Variants in XCR1 observed in about 807,000 individuals in gnomAD.
XCR1 encodes the protein chemokine XC receptor 1.
For missense variants in XCR1, 356 were observed against 424.2 expected (o/e 0.84, Z 1.41); for synonymous variants, 187 against 188.5 (o/e 0.99, Z 0.06).
intron 1 of XCR1, among the ~76,000 whole-genome samples, chr3:46,085,538 A>T (rs976746964): frequency 1.3e-5 from 2 of 152,014 alleles, no homozygotes; most frequent in Non-Finnish European, 2.9e-5. Context: ...TTCACAGCAA[A>T]TTTCTTGAAA....
At chr3:46,026,326 C>G (rs865879986) in intron 1 of XCR1, among the ~76,000 whole-genome samples, 18 of 152,188 alleles carry the variant, frequency 1.2e-4, no homozygotes, top group Middle Eastern at 3.4e-3. Context: ...TGAACTGGCT[C>G]CCTTTTGCTG....
At chr3:46,029,613 T>C (rs1708362541), upstream of XCR1, among the ~76,000 whole-genome samples, 2 of 152,172 alleles carry the variant, frequency 1.3e-5, no homozygotes, top group Non-Finnish European at 2.9e-5. Flanking sequence ...TCACATCATA[T>C]ACAAAAATTA....
chr3:46,062,123 T>C (rs1390439860), intron 4 of XCR1, among the ~76,000 whole-genome samples: 2 of 152,090 alleles, frequency 1.3e-5, no homozygotes, highest in Admixed American at 6.5e-5. Context: ...TCTGGGACTT[T>C]GGGGCTTTTT....
chr3:46,044,422 T>C lies in XCR1; in HGVS notation c.-32+9498A>G, dbSNP rs1697588506. ...GTCCTTTGCCCACTTTTAATTAGGT[T>C]GTCAGTTTTATTATTGTTGAGTTGT... On this transcript the variant is annotated intron_variant, in intron 5 of 5. Transcript: ENST00000683768. Among the ~76,000 whole-genome samples, 7 of 152,360 alleles carry C rather than the reference T, an allele frequency of 4.6e-5. No individual in the cohort carries two copies. The South Asian group carries it at 1.4e-3, about 32-fold the overall frequency.
At chr3:46,076,273 A>C (rs1479021771) in intron 2 of XCR1, among the ~76,000 whole-genome samples, 1 of 152,104 alleles carries the variant, frequency 6.6e-6, no homozygotes, top group Non-Finnish European at 1.5e-5. Flanking sequence ...TACCACCCAC[A>C]CTCAGCACTT....
In XCR1 at chr3:46,075,050, G is replaced by T. The variant is rs141341518; in HGVS notation, c.-327-335C>A. Among the ~76,000 whole-genome samples the T allele has an allele frequency of 2.1e-3, 316 of 152,026 alleles. 2 individuals carry two copies. The highest frequency in any genetic ancestry group is 1.9e-3 in the Non-Finnish European group (126 of 67,966). On this transcript the variant is annotated intron_variant, in intron 2 of 5. Coordinates refer to the XCR1 transcript ENST00000683768. ...CTGGAAACTATTTCAAATATTTAAAGAATAATTAGCACTTTGAAAAGGAAT... is the reference window on the plus strand; with the variant it reads ...CTGGAAACTATTTCAAATATTTAAATAATAATTAGCACTTTGAAAAGGAAT...
At position 46,020,938 on chromosome 3, in the gene XCR1, C is replaced by A. The variant is rs201819667; in HGVS notation, c.*8G>T. ...ACCTGCACCTGCGCCTGCACCGCCA[C>A]AGGCCCCTCAGTAGAAGGAGGCGCC... is the stretch of plus-strand genomic sequence containing the variant. On this transcript the variant is annotated 3_prime_UTR_variant, in exon 2 of 2. Coordinates refer to ENST00000309285, the MANE Select transcript of XCR1 (RefSeq NM_001024644.2). The A allele has an allele frequency of 5.0e-6, 8 of 1,609,480 alleles. No individual in the cohort carries two copies. Among genetic ancestry groups the A allele is most frequent in the Non-Finnish European group, 6.8e-6 (8 of 1,177,698 alleles).
chr3:46,019,440 C>T lies in XCR1; in HGVS notation c.*1506G>A, dbSNP rs1252880892. ...ACATTGCATGTGTGTAACTACAACA[C>T]AAGGTTGTTTTATTTTAGAGGGGAC... is the stretch of plus-strand genomic sequence containing the variant. On this transcript the variant is annotated 3_prime_UTR_variant, in exon 2 of 2. Coordinates refer to ENST00000309285, the MANE Select transcript of XCR1 (RefSeq NM_001024644.2). 2.6e-5 allele frequency: 4 copies of T among 152,184 alleles called. No individual in the cohort carries two copies. The allele number at this position is 152,184 out of a possible 1,614,324, so 9.4% of individuals were successfully genotyped here. A position where few individuals can be genotyped will look rare whatever the true frequency, so the allele number is the denominator to read the frequency against.
chr3:46,024,249 G>A lies in XCR1; in HGVS notation c.-31-2271C>T, dbSNP rs554057102. On this transcript the variant is annotated intron_variant, in intron 1 of 1. Coordinates refer to ENST00000309285, the MANE Select transcript of XCR1 (RefSeq NM_001024644.2). ...AAAAAAAATGAAAAGGGAAAACCACGTAGAAGGGGCATCCTGGTCCCGGAA... is the reference window on the plus strand; with the variant it reads ...AAAAAAAATGAAAAGGGAAAACCACATAGAAGGGGCATCCTGGTCCCGGAA... The A allele has an allele frequency of 5.2e-5, 17 of 324,154 alleles. No homozygotes were observed. The East Asian group carries it at 7.2e-4, about 14-fold the overall frequency. 20.1% of individuals were successfully genotyped at this position (324,154 alleles called of 1,614,324 possible).
chr3:46,073,178 AC>A (rs2125903149), intron 3 of XCR1, among the ~76,000 whole-genome samples: 1 of 152,310 alleles, frequency 6.6e-6, no homozygotes, highest in South Asian at 2.1e-4. Flanking sequence ...CTAGAAGAAA[AC>A]CTAGGAAAAA....
In XCR1 at chr3:46,018,648, A is replaced by G. The variant is rs1708085746; in HGVS notation, c.*2298T>C. On this transcript the variant is annotated 3_prime_UTR_variant, in exon 2 of 2. Coordinates refer to ENST00000309285, the MANE Select transcript of XCR1 (RefSeq NM_001024644.2). ...CTGTCCAGCAGGTGCTACTGGCCTC[A>G]TTATTAAAACTAGGCCCTGGCTCTT... is the stretch of plus-strand genomic sequence containing the variant. 1.3e-5 allele frequency: 2 copies of G among 152,218 alleles called. No individual in the cohort carries two copies. Among genetic ancestry groups the G allele is most frequent in the South Asian group, 4.2e-4 (2 of 4,812 alleles). The allele number at this position is 152,218 out of a possible 1,614,324, so 9.4% of individuals were successfully genotyped here. A position where few individuals can be genotyped will look rare whatever the true frequency, so the allele number is the denominator to read the frequency against.
intron 5 of XCR1, among the ~76,000 whole-genome samples, chr3:46,044,471 G>A (rs1697589854): frequency 6.6e-6 from 1 of 151,780 alleles, no homozygotes; most frequent in Non-Finnish European, 1.5e-5. Flanking sequence ...ATATACTCTG[G>A]TATTATGTGT....
intron 5 of XCR1, among the ~76,000 whole-genome samples, chr3:46,038,925 T>C (rs1254628880): frequency 6.6e-6 from 1 of 152,090 alleles, no homozygotes; most frequent in Non-Finnish European, 1.5e-5. Flanking sequence ...TTATATTGAT[T>C]GGAATTTTTT....
upstream of XCR1, among the ~76,000 whole-genome samples, chr3:46,028,144 T>C (rs1708333434): frequency 6.6e-6 from 1 of 152,186 alleles, no homozygotes; most frequent in Non-Finnish European, 1.5e-5. Context: ...TGTGGCTTAA[T>C]AAATCCAACT....
At chr3:46,048,447 G>C (rs1439842836) in intron 5 of XCR1, among the ~76,000 whole-genome samples, 5 of 152,080 alleles carry the variant, frequency 3.3e-5, no homozygotes, top group Admixed American at 6.6e-5. Context: ...CCCAGGTTAC[G>C]GGGGTTGATG....
Position 46,041,641 on chromosome 3 carries a change from T to C in XCR1, c.-32+12279A>G, listed in dbSNP as rs1049536050. Reference sequence around the variant, plus strand: ...GACTGAAGCCGACCCAGTGATCGCATAGACAGTTGTTTTTGGATAAACATA... The same window carrying C: ...GACTGAAGCCGACCCAGTGATCGCACAGACAGTTGTTTTTGGATAAACATA... On this transcript the variant is annotated intron_variant, in intron 5 of 5. Transcript: ENST00000683768. Among the ~76,000 whole-genome samples the C allele has an allele frequency of 3.3e-5, 5 of 152,222 alleles. No homozygotes were observed. In the East Asian group the frequency reaches 5.8e-4, roughly 18 times the overall value.
intron 4 of XCR1, among the ~76,000 whole-genome samples, chr3:46,054,131 A>G (rs1215632478): frequency 6.6e-6 from 1 of 152,204 alleles, no homozygotes; most frequent in African/African-American, 2.4e-5. Context: ...TATTTGGAAG[A>G]AGGGGTCAGG....
In XCR1 at chr3:46,020,310, G is replaced by A. The variant is rs1311331729; in HGVS notation, c.*636C>T. 1 of 152,412 alleles carries A rather than the reference G, an allele frequency of 6.6e-6. No homozygotes were observed. Among genetic ancestry groups the A allele is most frequent in the Non-Finnish European group, 1.5e-5 (1 of 68,200 alleles). 9.4% of individuals were successfully genotyped at this position (152,412 alleles called of 1,614,324 possible). A position where few individuals can be genotyped will look rare whatever the true frequency, so the allele number is the denominator to read the frequency against. ...CATTCCTTCAATCAAATATTTATGA[G>A]CTAAATTTTTAAGGGCCAGTTCGTG... On this transcript the variant is annotated 3_prime_UTR_variant, in exon 2 of 2. Coordinates refer to ENST00000309285, the MANE Select transcript of XCR1 (RefSeq NM_001024644.2).
upstream of XCR1, among the ~76,000 whole-genome samples, chr3:46,030,312 C>G (rs1298752493): frequency 2.6e-5 from 4 of 151,966 alleles, no homozygotes; most frequent in Non-Finnish European, 5.9e-5. Context: ...TTAATACATG[C>G]CTTTTATCAG....
Sources: allele counts gnomAD v4.1 joint callset (sites outside exome capture counted in the v4.1 genomes callset), GRCh38; gene constraint gnomAD v4.1.1; transcripts MANE v1.5; gene names NCBI Gene and HGNC (gene_info 2026-07-23, HGNC 2026-07-21).